Variants in ZNF267 observed in about 807,000 individuals in gnomAD.
ZNF267 encodes the protein zinc finger protein 267.
In ZNF267, 61 loss-of-function variants were observed where a neutral mutation model predicts 71.6. That is an observed-to-expected ratio of 0.85 (90% confidence interval 0.69 to 1.05). The LOEUF is 1.05. Ranked by LOEUF, ZNF267 falls within the 50% of genes least tolerant of loss-of-function variation. The pLI is 0.00. For synonymous variants in ZNF267, 288 were observed against 293.2 expected, an observed-to-expected ratio of 0.98 and a Z score of 0.18; for missense variants, 852 against 870.0, an observed-to-expected ratio of 0.98 and a Z score of 0.26.
intron 1 of ZNF267, among the ~76,000 whole-genome samples, chr16:31,875,643 C>A (rs1339559612): frequency 6.6e-6 from 1 of 152,114 alleles, no homozygotes; most frequent in East Asian, 1.9e-4. Context: ...GAGGATGGTC[C>A]CTGAGCATTT....
chr16:31,896,983 C>T (rs895034235), intron 3 of ZNF267, among the ~76,000 whole-genome samples: 16 of 151,674 alleles, frequency 1.1e-4, no homozygotes, highest in Non-Finnish European at 2.2e-4. Flanking sequence ...AATATTTCAT[C>T]TTCTTAGTTA....
Position 31,914,728 on chromosome 16 carries a change from A to G in ZNF267, c.479A>G (p.Tyr160Cys). Reference protein sequence around the residue: ...QQILSSCAKSYNFDQYRKVFT... With the variant: ...QQILSSCAKSCNFDQYRKVFT... ...ATACTTTCTTCTTGTGCCAAAAGCT[A>G]TAACTTTGATCAATATAGGAAGGTC... The change falls in exon 4 of 4, where the codon TAT (tyrosine) becomes TGT (cysteine). Residue 160 changes from tyrosine (Y) to cysteine (C), a missense_variant. Tyr to Cys is a radical substitution (Grantham distance 194). Coordinates refer to ENST00000300870, the MANE Select transcript of ZNF267 (RefSeq NM_003414.6). 5.0e-6 allele frequency: 8 copies of G among 1,614,176 alleles called. No homozygotes were observed. Among genetic ancestry groups the G allele is most frequent in the African/African-American group, 1.3e-5 (1 of 75,076 alleles).
chr16:31,874,163 G>A (rs1010059305), intron 1 of ZNF267, 194 bp downstream of exon 1: 3 of 610,476 alleles, frequency 4.9e-6, no homozygotes, highest in Non-Finnish European at 5.7e-6. Flanking sequence ...GGGACCCCGC[G>A]TGTCCTGTCC....
At chr16:31,912,122 CTG>C (rs1324452690) in intron 3 of ZNF267, 1 of 151,586 alleles carries the variant, frequency 6.6e-6, no homozygotes, top group Non-Finnish European at 1.5e-5. Flanking sequence ...CAGTTTTTCT[CTG>C]TGCTATTACC....
At chr16:31,887,314 T>C (rs1298274876) in intron 3 of ZNF267, among the ~76,000 whole-genome samples, 2 of 151,998 alleles carry the variant, frequency 1.3e-5, no homozygotes, top group South Asian at 2.1e-4. Context: ...ATAAAACTCT[T>C]ATCAGATCTA....
Position 31,914,939 on chromosome 16 carries a change from C to A in ZNF267, c.690C>A (p.Ser230Arg). The A allele has an allele frequency of 6.2e-7, 1 of 1,608,938 alleles. No individual in the cohort carries two copies. The highest frequency in any genetic ancestry group is 8.5e-7 in the Non-Finnish European group (1 of 1,178,554). Residue 230 changes from serine (S) to arginine (R), a missense_variant, in exon 4 of 4, where the codon AGC becomes AGA. Transcript: ENST00000300870. ...NSEKTLNQSSSPKNHQENYFL... is the reference protein window; with the variant it reads ...NSEKTLNQSSRPKNHQENYFL... ...AAAAAACCTTGAACCAAAGCTCAAGCCCTAAAAATCATCAGGAAAATTATT... is the reference window on the plus strand; with the variant it reads ...AAAAAACCTTGAACCAAAGCTCAAGACCTAAAAATCATCAGGAAAATTATT...
chr16:31,904,590 CAG>C (rs1316185234), intron 3 of ZNF267, among the ~76,000 whole-genome samples: 1 of 152,158 alleles, frequency 6.6e-6, no homozygotes, highest in East Asian at 1.9e-4. Context: ...TCTGTTTTAT[CAG>C]AGACTAGGAT....
Position 31,915,723 on chromosome 16 carries a change from T to G in ZNF267, c.1474T>G (p.Tyr492Asp). 6.2e-7 allele frequency: 1 copy of G among 1,613,380 alleles called. No homozygotes were observed. Among genetic ancestry groups the G allele is most frequent in the Non-Finnish European group, 8.5e-7 (1 of 1,179,886 alleles). ...GAGAGTTCATACTGGAGAGAAGCCT[T>G]ATAAATGTAAAGAATGTGGCAAAGT... Reference protein sequence around the residue: ...HQRVHTGEKPYKCKECGKVFS... With the variant: ...HQRVHTGEKPDKCKECGKVFS... Residue 492 changes from tyrosine (Y) to aspartate (D), a missense_variant, in exon 4 of 4, where the codon TAT becomes GAT. Transcript: ENST00000300870.
intron 3 of ZNF267, among the ~76,000 whole-genome samples, chr16:31,906,197 G>T (rs1443341372): frequency 6.6e-6 from 1 of 152,160 alleles, no homozygotes; most frequent in Non-Finnish European, 1.5e-5. Context: ...AGCTCCTACT[G>T]GGGGGTGCCT....
At chr16:31,903,356 AG>A in intron 3 of ZNF267, among the ~76,000 whole-genome samples, 1 of 152,332 alleles carries the variant, frequency 6.6e-6, no homozygotes, top group East Asian at 1.9e-4. Context: ...TAGTTTCAGA[AG>A]GAACGGTAGC....
At chr16:31,875,508 C>T (rs770274867) in intron 1 of ZNF267, among the ~76,000 whole-genome samples, 18 of 152,102 alleles carry the variant, frequency 1.2e-4, no homozygotes, top group Non-Finnish European at 1.9e-4. Flanking sequence ...TGATTCCTGC[C>T]CCCTAGATTC....
Position 31,915,563 on chromosome 16 carries a change from TA to T in ZNF267, c.1317del (p.Glu440AsnfsTer325), listed in dbSNP as rs779756174. On this transcript the variant is annotated frameshift_variant, in exon 4 of 4. Coordinates refer to ENST00000300870, the MANE Select transcript of ZNF267 (RefSeq NM_003414.6). LOFTEE classifies it high-confidence loss of function. ...IHTGEKPYKC[K>X]ECGKAFNRSS... The stretch of plus-strand genomic sequence containing the variant: ...ATACTGGAGAGAAACCTTATAAATG[TA>T]AAGAATGTGGAAAAGCTTTTAACCG... The T allele has an allele frequency of 1.2e-6, 2 of 1,613,266 alleles. No individual in the cohort carries two copies. The highest frequency in any genetic ancestry group is 4.5e-5 in the East Asian group (2 of 44,830).
At chr16:31,902,118 A>G (rs1034713111) in intron 3 of ZNF267, among the ~76,000 whole-genome samples, 13 of 152,098 alleles carry the variant, frequency 8.5e-5, no homozygotes, top group African/African-American at 2.9e-4. Flanking sequence ...ATGCGGCATT[A>G]TTTCTGAGGG....
chr16:31,915,172 C>G lies in ZNF267; in HGVS notation c.923C>G (p.Ser308Ter). Residue 308 changes from serine to a stop codon, truncating the protein, a stop_gained, in exon 4 of 4, where the codon TCA becomes TGA. Transcript: ENST00000300870. LOFTEE classifies it high-confidence loss of function. ...TATGATAAAGATCTTAGTCAGTCAT[C>G]AAATCTTAGAAAGCAGATAATCCAT... is the stretch of plus-strand genomic sequence containing the variant. ...NKYDKDLSQSSNLRKQIIHNE... is the reference protein window; with the variant it reads ...NKYDKDLSQS 1 of 1,612,930 alleles carries G rather than the reference C, an allele frequency of 6.2e-7. No homozygotes were observed.
Position 31,914,837 on chromosome 16 carries a change from A to G in ZNF267, c.588A>G (p.Leu196=). The G allele has an allele frequency of 6.2e-7, 1 of 1,611,044 alleles. No individual in the cohort carries two copies. The change falls in exon 4 of 4, where the codon TTA becomes TTG. Residue 196 remains leucine (L), a synonymous_variant. Transcript: ENST00000300870. ...KHHIYDKTSV[L]FRQVSTLNSY... ...ACATATATGATAAAACTTCAGTGTT[A>G]TTTAGGCAGGTCTCTACTCTAAATA...
chr16:31,885,339 G>C, intron 3 of ZNF267, 83 bp downstream of exon 3: 1 of 1,237,560 alleles, frequency 8.1e-7, no homozygotes, highest in Non-Finnish European at 1.1e-6. Context: ...TGTGGATTGG[G>C]AAGTTCTCCA....
intron 3 of ZNF267, among the ~76,000 whole-genome samples, chr16:31,887,911 A>T (rs1240156201): frequency 6.6e-6 from 1 of 152,114 alleles, no homozygotes; most frequent in Non-Finnish European, 1.5e-5. Context: ...TTCTGTGAAA[A>T]ATGCCATTAA....
At chr16:31,880,912 A>G (rs1210863693) in intron 1 of ZNF267, among the ~76,000 whole-genome samples, 1 of 152,214 alleles carries the variant, frequency 6.6e-6, no homozygotes, top group East Asian at 1.9e-4. Flanking sequence ...AGTCTAAAGC[A>G]GACGGATAAT....
At chr16:31,881,658 C>CTTT (rs142829632) in intron 1 of ZNF267, among the ~76,000 whole-genome samples, 1,963 of 146,168 alleles carry the variant, frequency 0.013, 54 homozygotes, top group African/African-American at 0.047. Flanking sequence ...ATGAGAAATT[C>CTTT]TTTTTCTTCT....
Sources: allele counts gnomAD v4.1 joint callset (sites outside exome capture counted in the v4.1 genomes callset), GRCh38; gene constraint gnomAD v4.1.1; transcripts MANE v1.5; gene names NCBI Gene and HGNC (gene_info 2026-07-23, HGNC 2026-07-21).